The following PDE5A variants were observed in gnomAD, a reference collection of about 807,000 sequenced individuals.
PDE5A encodes phosphodiesterase 5A.
In PDE5A, 67 loss-of-function variants were observed where a neutral mutation model predicts 110.2. The observed-to-expected ratio is 0.61, with a 90% CI of 0.50 to 0.75. The LOEUF (loss-of-function observed/expected upper bound fraction) is 0.75, where lower values mean the gene tolerates loss of function less well. Among genes scored for constraint, PDE5A ranks in the 30% least tolerant of loss-of-function variants. PDE5A has a pLI of 0.00. For missense variants in PDE5A, 862 were observed against 1,045.1 expected, an observed-to-expected ratio of 0.82 and a Z score of 2.42; for synonymous variants, 328 against 351.2, an observed-to-expected ratio of 0.93 and a Z score of 0.74.
chr4:119,520,431 C>G (rs1167110323), intron 13 of PDE5A, among the ~76,000 whole-genome samples: 1 of 152,056 alleles, frequency 6.6e-6, no homozygotes, highest in South Asian at 2.1e-4. Flanking sequence ...TAAACAGTCT[C>G]TGGTCAATGT....
At chr4:119,501,698 C>CT (rs1725340979) in intron 19 of PDE5A, among the ~76,000 whole-genome samples, 1 of 152,106 alleles carries the variant, frequency 6.6e-6, no homozygotes, top group Non-Finnish European at 1.5e-5. Context: ...GAGGAAAACT[C>CT]TTATGTTTTA....
At chr4:119,556,990 A>C (rs1275820928) in intron 7 of PDE5A, among the ~76,000 whole-genome samples, 5 of 151,370 alleles carry the variant, frequency 3.3e-5, no homozygotes, top group African/African-American at 9.7e-5. Flanking sequence ...AGTGTCCTTT[A>C]GAATGTGCCT....
At chr4:119,619,090 T>C in intron 1 of PDE5A, among the ~76,000 whole-genome samples, 2 of 152,182 alleles carry the variant, frequency 1.3e-5, no homozygotes, top group East Asian at 3.8e-4. Context: ...ATACTAAATT[T>C]TCTGACTGGA....
intron 17 of PDE5A, among the ~76,000 whole-genome samples, chr4:119,504,809 T>C (rs1384052938): frequency 6.6e-6 from 1 of 152,120 alleles, no homozygotes; most frequent in African/African-American, 2.4e-5. Context: ...CTTTGAACTT[T>C]TGGAATTTGT....
chr4:119,565,231 A>G, intron 5 of PDE5A, 90 bp downstream of exon 5: 1 of 838,946 alleles, frequency 1.2e-6, no homozygotes, highest in Non-Finnish European at 1.9e-6. Context: ...TACTATCTAA[A>G]TTTTTAATCA....
chr4:119,595,821 A>G (rs1396093252), intron 3 of PDE5A, among the ~76,000 whole-genome samples: 1 of 152,222 alleles, frequency 6.6e-6, no homozygotes, highest in Non-Finnish European at 1.5e-5. Flanking sequence ...ATATCCTCAT[A>G]TATCCTATTG....
intron 6 of PDE5A, among the ~76,000 whole-genome samples, chr4:119,560,933 A>C (rs1482217747): frequency 1.3e-5 from 2 of 152,372 alleles, no homozygotes; most frequent in African/African-American, 4.8e-5. Flanking sequence ...CAGACTGGCC[A>C]ACATGGCAAA....
chr4:119,519,191 A>C (rs776914803), intron 13 of PDE5A, 52 bp from the exon 14 acceptor site: 1 of 1,306,266 alleles, frequency 7.7e-7, no homozygotes, highest in South Asian at 1.2e-5. Context: ...AATGTGGTGA[A>C]GGACATTATA....
Position 119,525,539 on chromosome 4 carries a change from G to A in PDE5A, c.1779+10C>T. On this transcript the variant is annotated intron_variant, in intron 12 of 20. Coordinates refer to ENST00000354960, the MANE Select transcript of PDE5A (RefSeq NM_001083.4). The surrounding 1 kb of genome is among the most constrained non-coding windows in gnomAD (Gnocchi z 4.3). The stretch of plus-strand genomic sequence containing the variant: ...ATAGACTTTTCCAAAGGATGTTGCT[G>A]CATTCCTACCTCATGTTTCATCTGG... 1 of 1,611,260 alleles carries A rather than the reference G, an allele frequency of 6.2e-7. No homozygotes were observed. Among genetic ancestry groups the A allele is most frequent in the Non-Finnish European group, 8.5e-7 (1 of 1,178,200 alleles).
chr4:119,587,633 C>A (rs768818825), intron 3 of PDE5A, among the ~76,000 whole-genome samples: 2 of 152,300 alleles, frequency 1.3e-5, no homozygotes, highest in East Asian at 1.9e-4. Flanking sequence ...ATCCACCTGC[C>A]TCGACTTCCC....
At chr4:119,577,106 C>T (rs994312119) in intron 3 of PDE5A, among the ~76,000 whole-genome samples, 1 of 152,108 alleles carries the variant, frequency 6.6e-6, no homozygotes, top group Non-Finnish European at 1.5e-5. Flanking sequence ...ATAAATTCCT[C>T]GAAACATACC....
At chr4:119,501,309 T>TTA (rs1372618795) in intron 19 of PDE5A, 56 bp from the exon 20 acceptor site, 1 of 1,038,862 alleles carries the variant, frequency 9.6e-7, no homozygotes, top group East Asian at 2.5e-5. Context: ...ATTTAGTTAG[T>TTA]TATTACTTTA....
chr4:119,565,694 T>C (rs1727906225), intron 4 of PDE5A, among the ~76,000 whole-genome samples: 1 of 152,030 alleles, frequency 6.6e-6, no homozygotes. Context: ...ATGCAAAATT[T>C]GGTTTAGCCT....
chr4:119,559,546 AT>A (rs539302100), intron 7 of PDE5A, among the ~76,000 whole-genome samples: 74 of 152,264 alleles, frequency 4.9e-4, no homozygotes, highest in Middle Eastern at 3.4e-3. Context: ...ATATTCAAAT[AT>A]TTACATATGT....
chr4:119,607,742 C>CA (rs775932280), intron 1 of PDE5A, among the ~76,000 whole-genome samples: 47 of 143,848 alleles, frequency 3.3e-4, no homozygotes, highest in South Asian at 8.8e-4. Context: ...GAGACTCTCT[C>CA]AAAAAAAAAA....
intron 1 of PDE5A, among the ~76,000 whole-genome samples, chr4:119,625,132 G>A (rs1269587878): frequency 6.6e-6 from 1 of 151,830 alleles, no homozygotes; most frequent in African/African-American, 2.4e-5. Context: ...TTAGTAGCTG[G>A]GATTACAGGC....
intron 13 of PDE5A, 29 bp downstream of exon 13, chr4:119,520,906 T>A: frequency 6.3e-7 from 1 of 1,583,972 alleles, no homozygotes; most frequent in Non-Finnish European, 8.6e-7. Context: ...ACAAAATGTA[T>A]TAGATATATG....
chr4:119,513,795 T>A (rs1725824114), intron 14 of PDE5A, among the ~76,000 whole-genome samples: 1 of 152,132 alleles, frequency 6.6e-6, no homozygotes, highest in Admixed American at 6.6e-5. Context: ...ACAAACAAGT[T>A]AGAACTTCAA....
chr4:119,496,524 G>A lies in PDE5A; in HGVS notation c.*2077C>T, dbSNP rs1159193401. 6.6e-6 allele frequency: 1 copy of A among 152,186 alleles called. No individual in the cohort carries two copies. The highest frequency in any genetic ancestry group is 2.4e-5 in the African/African-American group (1 of 41,406). The allele number at this position is 152,186 out of a possible 1,614,324, so 9.4% of individuals were successfully genotyped here. ...CTTATTAAAATGACACACATACAAAGCCTCTAAACACGATCTACCATGTCT... is the reference window on the plus strand; with the variant it reads ...CTTATTAAAATGACACACATACAAAACCTCTAAACACGATCTACCATGTCT... On this transcript the variant is annotated 3_prime_UTR_variant, in exon 21 of 21. Transcript: ENST00000354960.
Sources: allele counts gnomAD v4.1 joint callset (sites outside exome capture counted in the v4.1 genomes callset), GRCh38; gene constraint gnomAD v4.1.1; non-coding constraint Gnocchi (gnomAD v3.1); transcripts MANE v1.5; gene names NCBI Gene and HGNC (gene_info 2026-07-23, HGNC 2026-07-21).